The following SACM1L variants were observed in gnomAD, a reference collection of about 807,000 sequenced individuals.
SACM1L encodes the protein phosphatidylinositol-3-phosphatase SAC1.
Under a neutral mutation model 89.5 loss-of-function variants are expected in SACM1L, and 32 were observed. That is an observed-to-expected ratio of 0.36 (90% CI 0.27 to 0.48). SACM1L has a LOEUF of 0.48. Ranked by LOEUF, SACM1L falls within the 20% of genes least tolerant of loss-of-function variation. The probability of loss-of-function intolerance (pLI) is 0.99; values close to 1 mark genes in which losing one functional copy is unlikely to be tolerated. For missense variants in SACM1L, 543 were observed against 708.5 expected (o/e 0.77, Z 2.65); for synonymous variants, 213 against 232.8 (o/e 0.92, Z 0.77).
At chr3:45,734,216 C>T (rs370485025) in intron 13 of SACM1L, among the ~76,000 whole-genome samples, 4 of 147,400 alleles carry the variant, frequency 2.7e-5, no homozygotes, top group East Asian at 2.0e-4. Context: ...AGTTCAAGAC[C>T]AGCTTGGCCA....
chr3:45,738,525 T>C (rs1699250503), intron 16 of SACM1L, 53 bp from the exon 17 acceptor site: 20 of 1,039,092 alleles, frequency 1.9e-5, no homozygotes, highest in Non-Finnish European at 2.9e-5. Context: ...CATAAAACAG[T>C]GTGAGAATTC....
intron 18 of SACM1L, among the ~76,000 whole-genome samples, chr3:45,739,286 G>T (rs1699267299): frequency 6.6e-6 from 1 of 152,138 alleles, no homozygotes; most frequent in African/African-American, 2.4e-5. Context: ...TGTGTCAAGT[G>T]CTCTGGAATG....
At chr3:45,740,779 A>G (rs1699296399) in intron 19 of SACM1L, among the ~76,000 whole-genome samples, 1 of 152,126 alleles carries the variant, frequency 6.6e-6, no homozygotes, top group Admixed American at 6.5e-5. Flanking sequence ...TTCACTGAGC[A>G]GTATGTTTTC....
intron 1 of SACM1L, among the ~76,000 whole-genome samples, chr3:45,695,056 G>A (rs1165878811): frequency 6.6e-6 from 1 of 152,100 alleles, no homozygotes; most frequent in African/African-American, 2.4e-5. Context: ...CTATAGGAGA[G>A]GCAACCAGGG....
chr3:45,716,477 T>C (rs192079739), intron 7 of SACM1L, among the ~76,000 whole-genome samples: 27 of 152,084 alleles, frequency 1.8e-4, no homozygotes, highest in Non-Finnish European at 2.6e-4. Flanking sequence ...TCAAAAGATT[T>C]TGGAGAAGGG....
chr3:45,737,671 A>G lies in SACM1L; in HGVS notation c.1309+19A>G, dbSNP rs373607630. On this transcript the variant is annotated intron_variant, in intron 15 of 19. Transcript: ENST00000389061. ...AAAAATGGTAGGTCATTTCTTTAAT[A>G]TAGACAAAGTTGGTCAGATTTTGAA... 14 of 1,583,706 alleles carry G rather than the reference A, an allele frequency of 8.8e-6. No individual in the cohort carries two copies. In the South Asian group the frequency reaches 9.2e-5, roughly 10 times the overall value.
At chr3:45,726,268 G>T (rs1401494381) in intron 11 of SACM1L, among the ~76,000 whole-genome samples, 1 of 151,992 alleles carries the variant, frequency 6.6e-6, no homozygotes, top group Non-Finnish European at 1.5e-5. Context: ...AGGAAGACTG[G>T]TGTTAATTCT....
At position 45,727,131 on chromosome 3, in the gene SACM1L, C is replaced by T. The variant is rs1300684542; in HGVS notation, c.921+3588C>T. Among the ~76,000 whole-genome samples, 25 of 21,808 alleles carry T rather than the reference C, an allele frequency of 1.1e-3. 10 individuals carry two copies. The highest frequency in any genetic ancestry group is 3.7e-3 in the African/African-American group (21 of 5,694). 14.3% of individuals were successfully genotyped at this position (21,808 alleles called of 152,430 possible). On this transcript the variant is annotated intron_variant, in intron 11 of 19. Coordinates refer to ENST00000389061, the MANE Select transcript of SACM1L (RefSeq NM_014016.5). ...CGATCTCCTGACCTCATGATCCACC[C>T]GCCTCGGCCTCCCAAAGTGCTGGGA...
At chr3:45,710,782 C>T (rs529356812) in intron 5 of SACM1L, among the ~76,000 whole-genome samples, 1 of 151,956 alleles carries the variant, frequency 6.6e-6, no homozygotes, top group Non-Finnish European at 1.5e-5. Context: ...AGTTGACTGG[C>T]TTTTTTGGGT....
At chr3:45,725,361 A>C (rs1359304107) in intron 11 of SACM1L, among the ~76,000 whole-genome samples, 2 of 152,090 alleles carry the variant, frequency 1.3e-5, no homozygotes, top group Non-Finnish European at 2.9e-5. Flanking sequence ...AATTTCAGCA[A>C]TATTTTGCAG....
rs768842259 is a variant in SACM1L at position 45,743,716 on chromosome 3, A to G, written c.*47A>G. ...CTTGGCTTGGAAGATTCCATTGTGC[A>G]GAACTGGAGTCTTTACTGACCCGCT... On this transcript the variant is annotated 3_prime_UTR_variant, in exon 20 of 20. Coordinates refer to ENST00000389061, the MANE Select transcript of SACM1L (RefSeq NM_014016.5). The G allele has an allele frequency of 1.9e-6, 3 of 1,577,652 alleles. No homozygotes were observed. In the African/African-American group the frequency reaches 4.1e-5, roughly 21 times the overall value.
intron 6 of SACM1L, 147 bp downstream of exon 6, chr3:45,713,343 A>G (rs1698569892): frequency 3.4e-6 from 2 of 580,880 alleles, no homozygotes; most frequent in East Asian, 3.0e-5. Flanking sequence ...GATCAGGTCT[A>G]CCCTGTCACA....
chr3:45,722,087 C>T lies in SACM1L; in HGVS notation c.765+2C>T. The T allele has an allele frequency of 1.9e-6, 3 of 1,598,766 alleles. No individual in the cohort carries two copies. Among genetic ancestry groups the T allele is most frequent in the South Asian group, 1.1e-5 (1 of 89,672 alleles). On this transcript the variant is annotated splice_donor_variant, in intron 9 of 19. Transcript: ENST00000389061. LOFTEE classifies it low-confidence loss of function (GC_TO_GT_DONOR). ...GGGAGCAAAGCTTCGTTTGTACAGG[C>T]AAGTTGTTATGTCTGTTAGGCAGTC...
At chr3:45,713,434 A>C in intron 6 of SACM1L, 1 of 314,594 alleles carries the variant, frequency 3.2e-6, no homozygotes, top group South Asian at 8.3e-5. Context: ...GCTTTGTCTA[A>C]CTAAGAGAGA....
intron 11 of SACM1L, among the ~76,000 whole-genome samples, chr3:45,725,962 G>T (rs1393471379): frequency 6.6e-6 from 1 of 151,678 alleles, no homozygotes; most frequent in East Asian, 1.9e-4. Context: ...ATGCTCGTTT[G>T]TTTTTTTTCC....
chr3:45,734,086 C>T (rs1352609852), intron 13 of SACM1L, among the ~76,000 whole-genome samples: 2 of 148,788 alleles, frequency 1.3e-5, no homozygotes, highest in African/African-American at 5.0e-5. Context: ...AAATCTTGTA[C>T]TATTTGCATG....
chr3:45,712,431 A>G (rs1459670850), intron 5 of SACM1L, among the ~76,000 whole-genome samples: 1 of 152,134 alleles, frequency 6.6e-6, no homozygotes, highest in Non-Finnish European at 1.5e-5. Context: ...TCTTTAGTAG[A>G]GACATGTCGG....
Position 45,689,426 on chromosome 3 carries a change from G to C in SACM1L, c.-40G>C, listed in dbSNP as rs748964004. On this transcript the variant is annotated 5_prime_UTR_variant, in exon 1 of 20. Coordinates refer to ENST00000389061, the MANE Select transcript of SACM1L (RefSeq NM_014016.5). ...TGTAGCCGAGGTGGCGGCGCGGGGC[G>C]GGGCGGGCGGAGAGAGAAGGAAGGA... The C allele has an allele frequency of 6.1e-5, 94 of 1,551,396 alleles. 1 individual carries two copies. The South Asian group carries it at 1.1e-3, about 18-fold the overall frequency.
chr3:45,705,765 A>G (rs977041315), intron 3 of SACM1L, among the ~76,000 whole-genome samples: 3 of 152,068 alleles, frequency 2.0e-5, no homozygotes, highest in Non-Finnish European at 4.4e-5. Context: ...CAGCCTCCCA[A>G]AGTGCTGGGA....
Sources: gnomAD v4.1 joint callset for allele counts (sites outside exome capture counted in the v4.1 genomes callset) on GRCh38, gnomAD v4.1.1 for gene constraint, MANE v1.5 for transcripts, NCBI Gene and HGNC (gene_info 2026-07-23, HGNC 2026-07-21) for gene names.